ARHGAP24: variants seen among roughly 807,000 people sequenced by gnomAD.
ARHGAP24 encodes the protein rho GTPase-activating protein 24.
ARHGAP24 carries 50 observed loss-of-function variants against 76.4 expected under a neutral mutation model. That is an observed-to-expected ratio of 0.65 (90% CI 0.52 to 0.83). The LOEUF is 0.83. Ranked by LOEUF, ARHGAP24 falls within the 40% of genes least tolerant of loss-of-function variation. The probability of loss-of-function intolerance (pLI) is 0.00; values close to 1 mark genes in which losing one functional copy is unlikely to be tolerated. For synonymous variants in ARHGAP24, 345 were observed against 323.3 expected, an observed-to-expected ratio of 1.07 and a Z score of -0.72; for missense variants, 930 against 914.2, an observed-to-expected ratio of 1.02 and a Z score of -0.22.
intron 1 of ARHGAP24, among the ~76,000 whole-genome samples, chr4:85,485,376 AATATATATATATATATATATAT>A (rs56176066): frequency 1.1e-4 from 5 of 45,068 alleles, no homozygotes; most frequent in South Asian, 1.8e-3. Context: ...AAAAAAAAAA[AATATATATATATATATATATAT>A]ATATATATAT....
intron 2 of ARHGAP24, among the ~76,000 whole-genome samples, chr4:85,662,211 A>G (rs1722417969): frequency 6.6e-6 from 1 of 152,152 alleles, no homozygotes; most frequent in African/African-American, 2.4e-5. Flanking sequence ...TTGCCATTCT[A>G]ACTGGTGTGA....
rs539887160 is a variant in ARHGAP24 at position 85,750,375 on chromosome 4, G to A, written c.268+28403G>A. Among the ~76,000 whole-genome samples the A allele has an allele frequency of 2.6e-4, 39 of 152,022 alleles. No individual in the cohort carries two copies. In the South Asian group the frequency reaches 7.3e-3, roughly 28 times the overall value. On this transcript the variant is annotated intron_variant, in intron 3 of 9. Transcript: ENST00000395184. ...CATTAGGAACCCAGGAGACTGGGAG[G>A]GTCAAGATGACTTGTTATCTTGCCC...
rs562299752 is a variant in ARHGAP24, at chr4:86,000,788, C to T, written c.*66C>T. 14 of 1,608,518 alleles carry T rather than the reference C, an allele frequency of 8.7e-6. No individual in the cohort carries two copies. The South Asian group carries it at 1.1e-4, about 13-fold the overall frequency. On this transcript the variant is annotated 3_prime_UTR_variant, in exon 10 of 10. Coordinates refer to ENST00000395184, the MANE Select transcript of ARHGAP24 (RefSeq NM_001025616.3). ...CTCCAGGGATTCTGGTGGGATATGA[C>T]TTAGAACCAGGTGGCTGGTCACCTG...
chr4:85,904,534 A>G (rs1560708403), intron 3 of ARHGAP24, among the ~76,000 whole-genome samples: 1 of 152,238 alleles, frequency 6.6e-6, no homozygotes, highest in African/African-American at 2.4e-5. Context: ...AAATGCTACT[A>G]AATGAAATTT....
At chr4:85,620,852 G>A (rs192925662) in intron 2 of ARHGAP24, among the ~76,000 whole-genome samples, 11 of 152,018 alleles carry the variant, frequency 7.2e-5, no homozygotes, top group East Asian at 5.8e-4. Flanking sequence ...TAATGCTAGC[G>A]TTTGACTTCT....
intron 1 of ARHGAP24, among the ~76,000 whole-genome samples, chr4:85,485,629 C>T (rs1560504640): frequency 6.6e-6 from 1 of 151,412 alleles, no homozygotes; most frequent in Non-Finnish European, 1.5e-5. Flanking sequence ...TTTTTCTAGA[C>T]TTCAGTCTCC....
intron 2 of ARHGAP24, among the ~76,000 whole-genome samples, chr4:85,703,684 T>C (rs907709466): frequency 1.3e-5 from 2 of 152,104 alleles, no homozygotes; most frequent in Non-Finnish European, 2.9e-5. Context: ...ATATTGAACT[T>C]CTCAACCTCC....
chr4:85,586,670 C>T (rs1040961663), intron 2 of ARHGAP24, among the ~76,000 whole-genome samples: 16 of 152,090 alleles, frequency 1.1e-4, no homozygotes, highest in African/African-American at 1.4e-4. Context: ...AAGGCTGAGG[C>T]GGGTGAATCA....
chr4:85,578,095 T>A (rs1409103920), intron 2 of ARHGAP24, among the ~76,000 whole-genome samples: 1 of 152,222 alleles, frequency 6.6e-6, no homozygotes. Context: ...AAAACAGAAC[T>A]CATTCTATGT....
intron 5 of ARHGAP24, among the ~76,000 whole-genome samples, chr4:85,943,705 C>T (rs995972396): frequency 1.3e-5 from 2 of 151,962 alleles, no homozygotes; most frequent in African/African-American, 4.8e-5. Flanking sequence ...TGAGAACATG[C>T]GGTGTTTGGT....
intron 3 of ARHGAP24, among the ~76,000 whole-genome samples, chr4:85,748,652 A>C (rs904821283): frequency 2.6e-5 from 4 of 152,246 alleles, no homozygotes; most frequent in African/African-American, 9.6e-5. Context: ...ATATATGCAA[A>C]CTTTGAAAAA....
chr4:85,994,532 A>C (rs752214757), intron 8 of ARHGAP24, 51 bp from the exon 9 acceptor site: 1 of 1,544,070 alleles, frequency 6.5e-7, no homozygotes, highest in Non-Finnish European at 9.0e-7. Context: ...TGAAATAGAA[A>C]TAAATAAAAA....
intron 3 of ARHGAP24, among the ~76,000 whole-genome samples, chr4:85,756,751 C>T (rs1726510332): frequency 6.6e-6 from 1 of 152,066 alleles, no homozygotes; most frequent in African/African-American, 2.4e-5. Context: ...CAAGGTGTTT[C>T]GGCTCCTGCA....
intron 1 of ARHGAP24, among the ~76,000 whole-genome samples, chr4:85,550,219 A>G (rs968239208): frequency 3.3e-5 from 5 of 152,112 alleles, no homozygotes; most frequent in African/African-American, 7.2e-5. Flanking sequence ...CATACCCACC[A>G]TATGTATGGT....
intron 3 of ARHGAP24, chr4:85,722,301 G>T (rs1724977469): frequency 7.2e-6 from 2 of 278,194 alleles, no homozygotes; most frequent in South Asian, 8.3e-5. Flanking sequence ...TTTGACAAGG[G>T]GTTATAGGTT....
intron 3 of ARHGAP24, among the ~76,000 whole-genome samples, chr4:85,862,467 C>T (rs1239264787): frequency 9.2e-5 from 14 of 151,982 alleles, no homozygotes; most frequent in Admixed American, 9.2e-4. Flanking sequence ...GGCACATACT[C>T]CTAAGTTAGG....
intron 1 of ARHGAP24, among the ~76,000 whole-genome samples, chr4:85,476,181 A>T (rs1458982439): frequency 6.6e-6 from 1 of 151,720 alleles, no homozygotes. Context: ...ATGTTTTTAA[A>T]AATAACATTT....
chr4:85,693,844 G>A (rs916310865), intron 2 of ARHGAP24, among the ~76,000 whole-genome samples: 8 of 152,182 alleles, frequency 5.3e-5, no homozygotes, highest in African/African-American at 1.9e-4. Flanking sequence ...GCCGCTAGGT[G>A]CATCAAGGCC....
intron 1 of ARHGAP24, among the ~76,000 whole-genome samples, chr4:85,501,169 G>A (rs368085425): frequency 6.6e-6 from 1 of 152,140 alleles, no homozygotes; most frequent in South Asian, 2.1e-4. Flanking sequence ...ATTGTGAATA[G>A]TGCCACAATA....
Sources: allele counts gnomAD v4.1 joint callset (sites outside exome capture counted in the v4.1 genomes callset), GRCh38; gene constraint gnomAD v4.1.1; transcripts MANE v1.5; gene names NCBI Gene and HGNC (gene_info 2026-07-23, HGNC 2026-07-21).